The following CACNA2D3 variants were observed in gnomAD, a reference collection of about 807,000 sequenced individuals.
CACNA2D3 encodes calcium voltage-gated channel auxiliary subunit alpha2delta 3.
In CACNA2D3, 60 loss-of-function variants were observed where a neutral mutation model predicts 160.6. The ratio of observed to expected loss-of-function variants is 0.37; its 90% CI spans 0.30 to 0.46. The LOEUF is 0.46. Ranked by LOEUF, CACNA2D3 falls within the 20% of genes least tolerant of loss-of-function variation. The probability of loss-of-function intolerance (pLI) is 1.00; values close to 1 mark genes in which losing one functional copy is unlikely to be tolerated. For missense variants in CACNA2D3, 1,205 were observed against 1,365.0 expected (o/e 0.88, Z 1.85); for synonymous variants, 558 against 492.9 (o/e 1.13, Z -1.75).
Position 54,333,491 on chromosome 3 carries a change from C to T in CACNA2D3, c.321+12933C>T, listed in dbSNP as rs548092474. Among the ~76,000 whole-genome samples the T allele has an allele frequency of 1.3e-3, 191 of 152,148 alleles. 1 individual carries two copies. The highest frequency in any genetic ancestry group is 4.4e-3 in the African/African-American group (184 of 41,510). On this transcript the variant is annotated intron_variant, in intron 3 of 37. Transcript: ENST00000474759. ...TGCCCACCCTTAGAAAGTATGTTGC[C>T]TTCTCAGTGATCAGAGGCTGTGGTG...
chr3:54,624,714 G>A (rs1255564311), intron 9 of CACNA2D3, among the ~76,000 whole-genome samples: 1 of 152,244 alleles, frequency 6.6e-6, no homozygotes, highest in African/African-American at 2.4e-5. Context: ...CAAATAGAAT[G>A]AACTTGTAAA....
At chr3:54,585,853 T>C (rs1284445116) in intron 9 of CACNA2D3, among the ~76,000 whole-genome samples, 1 of 152,124 alleles carries the variant, frequency 6.6e-6, no homozygotes, top group Non-Finnish European at 1.5e-5. Flanking sequence ...AGCCAAAATA[T>C]ATCACCTGAA....
chr3:55,017,508 A>G (rs892568118), intron 34 of CACNA2D3, among the ~76,000 whole-genome samples: 1 of 152,210 alleles, frequency 6.6e-6, no homozygotes, highest in African/African-American at 2.4e-5. Flanking sequence ...TACTCAATAT[A>G]CATTGTTTTA....
At chr3:54,377,454 T>G (rs542775272) in intron 3 of CACNA2D3, among the ~76,000 whole-genome samples, 5 of 152,332 alleles carry the variant, frequency 3.3e-5, no homozygotes, top group Admixed American at 2.6e-4. Flanking sequence ...CTGGGAAGTT[T>G]CCTTGTTTCA....
intron 9 of CACNA2D3, among the ~76,000 whole-genome samples, chr3:54,596,425 A>G (rs552862675): frequency 1.0e-3 from 154 of 152,258 alleles, no homozygotes; most frequent in Non-Finnish European, 1.6e-3. Context: ...TGTTAACACA[A>G]TGGCAAACTC....
intron 2 of CACNA2D3, among the ~76,000 whole-genome samples, chr3:54,230,606 G>T (rs1701750682): frequency 1.3e-5 from 2 of 152,178 alleles, no homozygotes; most frequent in Admixed American, 1.3e-4. Context: ...TGGGAGACAG[G>T]TTGCAAATGT....
intron 3 of CACNA2D3, among the ~76,000 whole-genome samples, chr3:54,323,274 G>A (rs114208882): frequency 0.019 from 2,952 of 152,216 alleles, 37 homozygotes; most frequent in Admixed American, 0.03. Flanking sequence ...TTGCCTGTGA[G>A]ATTTGTGAAC....
intron 3 of CACNA2D3, among the ~76,000 whole-genome samples, chr3:54,329,983 G>A (rs1704207979): frequency 6.6e-6 from 1 of 152,072 alleles, no homozygotes; most frequent in Admixed American, 6.5e-5. Flanking sequence ...AGGTTATGAG[G>A]GGGAAAATGA....
At chr3:54,479,134 G>T (rs188313125) in intron 4 of CACNA2D3, among the ~76,000 whole-genome samples, 104 of 152,094 alleles carry the variant, frequency 6.8e-4, no homozygotes, top group African/African-American at 2.4e-3. Context: ...GTTTTCATGA[G>T]ATCTGATGGT....
At chr3:54,268,289 A>G (rs951376707) in intron 2 of CACNA2D3, among the ~76,000 whole-genome samples, 1 of 152,140 alleles carries the variant, frequency 6.6e-6, no homozygotes, top group Non-Finnish European at 1.5e-5. Flanking sequence ...TGCTGATACC[A>G]TGTCCAGTGG....
intron 6 of CACNA2D3, among the ~76,000 whole-genome samples, chr3:54,565,556 A>T (rs190012633): frequency 5.9e-5 from 9 of 152,268 alleles, no homozygotes; most frequent in Admixed American, 5.2e-4. Context: ...TCTGTATCCT[A>T]TCTAATATCA....
At chr3:54,319,856 A>G (rs1006468150) in intron 2 of CACNA2D3, among the ~76,000 whole-genome samples, 1 of 152,176 alleles carries the variant, frequency 6.6e-6, no homozygotes, top group African/African-American at 2.4e-5. Flanking sequence ...AAAAAATTAG[A>G]GGAGTAGCTG....
intron 3 of CACNA2D3, among the ~76,000 whole-genome samples, chr3:54,331,955 A>G (rs1704268264): frequency 6.6e-6 from 1 of 152,356 alleles, no homozygotes; most frequent in African/African-American, 2.4e-5. Context: ...CCTGGTCCCC[A>G]GCATAACTTT....
At chr3:54,510,707 G>T (rs1701445961) in intron 5 of CACNA2D3, among the ~76,000 whole-genome samples, 1 of 152,148 alleles carries the variant, frequency 6.6e-6, no homozygotes, top group Non-Finnish European at 1.5e-5. Flanking sequence ...GTATCAGCAT[G>T]GTGGACTAGA....
intron 2 of CACNA2D3, among the ~76,000 whole-genome samples, chr3:54,278,706 C>T (rs1702800417): frequency 6.6e-6 from 1 of 152,044 alleles, no homozygotes; most frequent in Non-Finnish European, 1.5e-5. Flanking sequence ...AAACTGGAAA[C>T]CATCATTCTC....
intron 2 of CACNA2D3, among the ~76,000 whole-genome samples, chr3:54,290,147 G>A (rs1056562284): frequency 1.4e-4 from 22 of 151,946 alleles, no homozygotes; most frequent in African/African-American, 2.9e-4. Context: ...GAAAATTTTC[G>A]CAACCTACTT....
rs547746188 is a variant in CACNA2D3 at position 54,982,219 on chromosome 3, G to A, written c.2557-2389G>A. ...GTTAACATTCCATAGTGCCAAACCCGTTCTTAGCTGAGAGGGACTTTACTG... is the reference window on the plus strand; with the variant it reads ...GTTAACATTCCATAGTGCCAAACCCATTCTTAGCTGAGAGGGACTTTACTG... On this transcript the variant is annotated intron_variant, in intron 29 of 37. Coordinates refer to ENST00000474759, the MANE Select transcript of CACNA2D3 (RefSeq NM_018398.3). 9.2e-5 allele frequency among the ~76,000 whole-genome samples: 14 copies of A among 152,226 alleles called. No homozygotes were observed. The East Asian group carries it at 1.9e-3, about 21-fold the overall frequency.
intron 10 of CACNA2D3, among the ~76,000 whole-genome samples, chr3:54,637,255 G>A (rs1158493846): frequency 6.6e-6 from 1 of 151,904 alleles, no homozygotes; most frequent in Non-Finnish European, 1.5e-5. Context: ...TAGGGTAAGG[G>A]TGATTAGGTT....
At chr3:54,308,205 T>C (rs1227521875) in intron 2 of CACNA2D3, among the ~76,000 whole-genome samples, 1 of 152,184 alleles carries the variant, frequency 6.6e-6, no homozygotes. Flanking sequence ...GAGGCTGTGC[T>C]GCCTGTGTTC....
Sources: gnomAD v4.1 joint callset for allele counts (sites outside exome capture counted in the v4.1 genomes callset) on GRCh38, gnomAD v4.1.1 for gene constraint, MANE v1.5 for transcripts, NCBI Gene and HGNC (gene_info 2026-07-23, HGNC 2026-07-21) for gene names.